The following WLS variants were observed in gnomAD, a reference collection of about 807,000 sequenced individuals.
WLS encodes Wnt ligand secretion mediator, also known as protein wntless homolog.
In WLS, 23 loss-of-function variants were observed where a neutral mutation model predicts 62.8. The observed-to-expected ratio is 0.37, with a 90% CI of 0.26 to 0.52. The LOEUF (loss-of-function observed/expected upper bound fraction) is 0.52. Ranked by LOEUF, WLS falls within the 20% of genes least tolerant of loss-of-function variation. The pLI is 0.92. For synonymous variants in WLS, 246 were observed against 244.1 expected, an observed-to-expected ratio of 1.01 and a Z score of -0.07; for missense variants, 615 against 697.3, an observed-to-expected ratio of 0.88 and a Z score of 1.33.
chr1:68,192,819 G>T (rs1648399274), intron 2 of WLS, among the ~76,000 whole-genome samples: 1 of 147,566 alleles, frequency 6.8e-6, no homozygotes, highest in South Asian at 2.1e-4. Context: ...TTCAGGCCAG[G>T]CACAGTGGCT....
intron 8 of WLS, among the ~76,000 whole-genome samples, chr1:68,146,214 T>C (rs1382785494): frequency 6.6e-6 from 1 of 152,226 alleles, no homozygotes. Flanking sequence ...AGGGAGGTGT[T>C]CAATATTGCT....
At chr1:68,170,001 T>C (rs1046155843) in intron 2 of WLS, among the ~76,000 whole-genome samples, 4 of 152,008 alleles carry the variant, frequency 2.6e-5, no homozygotes, top group Admixed American at 2.0e-4. Flanking sequence ...GCCTATGCAA[T>C]GTTGGGAGTC....
intron 2 of WLS, among the ~76,000 whole-genome samples, chr1:68,182,169 A>G (rs1054161960): frequency 7.9e-5 from 12 of 152,238 alleles, no homozygotes; most frequent in Admixed American, 7.8e-4. Flanking sequence ...CTAATTTTAA[A>G]ATCTTGGAAA....
At chr1:68,159,860 T>C (rs1342168547) in intron 2 of WLS, among the ~76,000 whole-genome samples, 1 of 152,186 alleles carries the variant, frequency 6.6e-6, no homozygotes, top group Non-Finnish European at 1.5e-5. Flanking sequence ...AAAGGCAAAG[T>C]GTTTTTCCAA....
chr1:68,181,660 T>C (rs189074518), intron 2 of WLS, among the ~76,000 whole-genome samples: 93 of 152,062 alleles, frequency 6.1e-4, no homozygotes, highest in African/African-American at 2.2e-3. Context: ...ACCATCTACC[T>C]ATCTACACCA....
intron 1 of WLS, among the ~76,000 whole-genome samples, chr1:68,218,184 C>T (rs1242163694): frequency 1.3e-5 from 2 of 152,136 alleles, no homozygotes; most frequent in Non-Finnish European, 2.9e-5. Context: ...TATTCAGTCA[C>T]ATAAGGGGAA....
At chr1:68,109,593 AC>A (rs1214338021) in intron 11 of WLS, among the ~76,000 whole-genome samples, 4 of 152,232 alleles carry the variant, frequency 2.6e-5, no homozygotes, top group Non-Finnish European at 4.4e-5. Flanking sequence ...CTTAAACATA[AC>A]TTTTAGAAAT....
chr1:68,127,501 T>A (rs1341844097), intron 11 of WLS, among the ~76,000 whole-genome samples: 1 of 152,188 alleles, frequency 6.6e-6, no homozygotes, highest in Non-Finnish European at 1.5e-5. Context: ...AAAACTCTGC[T>A]ACCTGCCATA....
Position 68,150,116 on chromosome 1 carries a change from G to C in WLS, c.972+72C>G, listed in dbSNP as rs1646806017. The C allele has an allele frequency of 2.6e-6, 4 of 1,512,232 alleles. No homozygotes were observed. The Admixed American group carries it at 7.5e-5, about 28-fold the overall frequency. 93.7% of individuals were successfully genotyped at this position (1,512,232 alleles called of 1,614,324 possible). On this transcript the variant is annotated intron_variant, in intron 6 of 11. Coordinates refer to ENST00000262348, the MANE Select transcript of WLS (RefSeq NM_024911.7). ...ACCCACTGCTGACTAGAGGCAAAGG[G>C]GGGCAGGTGTCAGCTTGGCAGCCTG...
intron 2 of WLS, chr1:68,186,614 A>C: frequency 2.2e-6 from 1 of 456,188 alleles, no homozygotes; most frequent in Non-Finnish European, 4.4e-6. Context: ...CTTGTTTGCC[A>C]CACTCCCAAA....
At chr1:68,181,526 T>C (rs1647569354) in intron 2 of WLS, among the ~76,000 whole-genome samples, 1 of 152,136 alleles carries the variant, frequency 6.6e-6, no homozygotes, top group African/African-American at 2.4e-5. Context: ...GATTGGGAGA[T>C]TTTAAAAAAT....
intron 2 of WLS, among the ~76,000 whole-genome samples, chr1:68,190,502 A>G (rs1648228158): frequency 6.6e-6 from 1 of 152,224 alleles, no homozygotes; most frequent in Non-Finnish European, 1.5e-5. Context: ...AGCACTGCTC[A>G]GGCTCTCTCT....
intron 11 of WLS, chr1:68,099,633 C>A (rs746709125): frequency 6.6e-6 from 1 of 152,108 alleles, no homozygotes; most frequent in African/African-American, 2.4e-5. Flanking sequence ...CTTTAGATTA[C>A]CTATAATACC....
In WLS at chr1:68,160,514, G is replaced by A. The variant is rs756919849; in HGVS notation, c.380-1267C>T. On this transcript the variant is annotated intron_variant, in intron 2 of 11. Coordinates refer to ENST00000262348, the MANE Select transcript of WLS (RefSeq NM_024911.7). ...AGTTGGAAATTGGCTAATTGACAAC[G>A]CACTTGCCTTAAACATCTCAAGTAG... Among the ~76,000 whole-genome samples the A allele has an allele frequency of 3.3e-5, 5 of 152,162 alleles. No individual in the cohort carries two copies. The East Asian group carries it at 5.8e-4, about 18-fold the overall frequency.
chr1:68,141,014 A>C, intron 10 of WLS, among the ~76,000 whole-genome samples: 1 of 112,432 alleles, frequency 8.9e-6, no homozygotes, highest in Non-Finnish European at 1.8e-5. Context: ...CCCAAATCTC[A>C]CCCTCTGCAT....
chr1:68,127,025 TAA>T, intron 11 of WLS: 10 of 327,464 alleles, frequency 3.1e-5, no homozygotes, highest in East Asian at 1.1e-4. Flanking sequence ...ACCCTGACTC[TAA>T]AAAAAAAATT....
At chr1:68,117,945 G>A (rs1282690030) in intron 11 of WLS, among the ~76,000 whole-genome samples, 1 of 151,404 alleles carries the variant, frequency 6.6e-6, no homozygotes, top group African/African-American at 2.4e-5. Context: ...CTTCCAGCTG[G>A]GAAACAAATT....
intron 1 of WLS, among the ~76,000 whole-genome samples, chr1:68,199,567 TAA>T (rs1648885350): frequency 6.6e-6 from 1 of 152,072 alleles, no homozygotes; most frequent in African/African-American, 2.4e-5. Context: ...TATTAAAAAT[TAA>T]AAAGAGATCA....
At chr1:68,188,968 C>T (rs996203821) in intron 2 of WLS, among the ~76,000 whole-genome samples, 5 of 152,172 alleles carry the variant, frequency 3.3e-5, no homozygotes, top group African/African-American at 1.2e-4. Flanking sequence ...AGAGGTTTCA[C>T]CTTCAGTGGT....
Sources: allele counts gnomAD v4.1 joint callset (sites outside exome capture counted in the v4.1 genomes callset), GRCh38; gene constraint gnomAD v4.1.1; transcripts MANE v1.5; gene names NCBI Gene and HGNC (gene_info 2026-07-23, HGNC 2026-07-21).